Variants in WDR12 observed in about 807,000 individuals in gnomAD.
The protein encoded by WDR12 is ribosome biogenesis protein WDR12.
In WDR12, 42 loss-of-function variants were observed where a neutral mutation model predicts 64.3. The observed-to-expected ratio is 0.65, with a 90% confidence interval of 0.51 to 0.84. The LOEUF (loss-of-function observed/expected upper bound fraction) is 0.84, where lower values mean the gene tolerates loss of function less well. Ranked by LOEUF, WDR12 falls within the 40% of genes least tolerant of loss-of-function variation. The pLI is 0.00. For missense variants in WDR12, 469 were observed against 494.6 expected (o/e 0.95, Z 0.49); for synonymous variants, 158 against 173.3 (o/e 0.91, Z 0.70).
chr2:202,875,674 C>T lies in WDR12; in HGVS notation c.*5186G>A, dbSNP rs957608614. The T allele has an allele frequency of 6.6e-6, 1 of 152,216 alleles. No homozygotes were observed. The highest frequency in any genetic ancestry group is 2.4e-5 in the African/African-American group (1 of 41,454). The allele number at this position is 152,216 out of a possible 1,614,324, so 9.4% of individuals were successfully genotyped here. On this transcript the variant is annotated 3_prime_UTR_variant, in exon 13 of 13. Transcript: ENST00000261015. ...AAATGTTGGGATTACAGGCGTTAGC[C>T]ACGGCGCCCAGCCACATATAACCTT... is the stretch of plus-strand genomic sequence containing the variant.
chr2:202,883,635 G>A lies in WDR12; in HGVS notation c.1095C>T (p.Asn365=). 1 of 1,613,888 alleles carries A rather than the reference G, an allele frequency of 6.2e-7. No homozygotes were observed. The highest frequency in any genetic ancestry group is 1.1e-5 in the South Asian group (1 of 91,066). ...TTCTTGTATCCCACAGCTTAACAATGTTATCTAAAGATCCTGAAATCAGCT... is the reference window on the plus strand; with the variant it reads ...TTCTTGTATCCCACAGCTTAACAATATTATCTAAAGATCCTGAAATCAGCT... The part of the protein sequence containing the change: ...EQQLISGSLD[N]IVKLWDTRSC... Residue 365 remains asparagine, a synonymous_variant, in exon 11 of 13, where the codon AAC becomes AAT. Transcript: ENST00000261015.
intron 1 of WDR12, among the ~76,000 whole-genome samples, chr2:202,909,252 C>G (rs1688520644): frequency 6.6e-6 from 1 of 152,178 alleles, no homozygotes; most frequent in African/African-American, 2.4e-5. Flanking sequence ...CACATAACAA[C>G]TATTCATAAT....
rs1308486102 is a variant in WDR12, at chr2:202,876,406, A to C, written c.*4454T>G. ...TAACAAAATACTGTTATTGTGTTTG[A>C]TACTTAATCTATGATAGTCAAAAAT... On this transcript the variant is annotated 3_prime_UTR_variant, in exon 13 of 13. Coordinates refer to ENST00000261015, the MANE Select transcript of WDR12 (RefSeq NM_018256.4). 6.6e-6 allele frequency: 1 copy of C among 152,214 alleles called. No individual in the cohort carries two copies. The highest frequency in any genetic ancestry group is 1.9e-4 in the East Asian group (1 of 5,200). 9.4% of individuals were successfully genotyped at this position (152,214 alleles called of 1,614,324 possible). A position where few individuals can be genotyped will look rare whatever the true frequency, so the allele number is the denominator to read the frequency against.
intron 8 of WDR12, among the ~76,000 whole-genome samples, chr2:202,889,681 G>A (rs1224788431): frequency 4.0e-5 from 6 of 151,828 alleles, no homozygotes; most frequent in Admixed American, 3.9e-4. Context: ...TTGGAAGGCC[G>A]AGGTGGGAGG....
Position 202,883,355 on chromosome 2 carries a change from T to G in WDR12, c.1121+254A>C, listed in dbSNP as rs1687988717. On this transcript the variant is annotated intron_variant, in intron 11 of 12. Transcript: ENST00000261015. ...TTCACCATGTTGGCCAGGATGGTCCTGAACACCCAGCCTCAGGTGATCTGC... is the reference window on the plus strand; with the variant it reads ...TTCACCATGTTGGCCAGGATGGTCCGGAACACCCAGCCTCAGGTGATCTGC... The G allele has an allele frequency of 1.1e-5, 4 of 365,690 alleles. No individual in the cohort carries two copies. The South Asian group carries it at 1.3e-4, about 12-fold the overall frequency. 22.7% of individuals were successfully genotyped at this position (365,690 alleles called of 1,614,324 possible). A position where few individuals can be genotyped will look rare whatever the true frequency, so the allele number is the denominator to read the frequency against.
At chr2:202,881,068 G>A in intron 12 of WDR12, 131 bp from the exon 13 acceptor site, 2 of 694,354 alleles carry the variant, frequency 2.9e-6, no homozygotes, top group Admixed American at 6.5e-5. Flanking sequence ...AACTTGCATT[G>A]AGAGTGAGTA....
intron 1 of WDR12, among the ~76,000 whole-genome samples, chr2:202,909,685 T>C (rs1367141161): frequency 6.6e-6 from 1 of 152,158 alleles, no homozygotes; most frequent in Non-Finnish European, 1.5e-5. Flanking sequence ...AATTCACATA[T>C]ATGTATATTC....
intron 12 of WDR12, 140 bp downstream of exon 12, chr2:202,882,571 G>C (rs1170810569): frequency 1.4e-6 from 1 of 698,336 alleles, no homozygotes; most frequent in Admixed American, 2.6e-5. Flanking sequence ...CTCGTGATCT[G>C]CCCACCTTGG....
intron 12 of WDR12, among the ~76,000 whole-genome samples, chr2:202,881,958 C>A (rs1258459182): frequency 6.6e-6 from 1 of 152,078 alleles, no homozygotes; most frequent in Non-Finnish European, 1.5e-5. Context: ...TATTTTGAGA[C>A]AGGGTATCAC....
intron 8 of WDR12, 121 bp downstream of exon 8, chr2:202,892,496 T>A (rs1367517234): frequency 1.8e-6 from 1 of 544,908 alleles, no homozygotes; most frequent in Non-Finnish European, 3.2e-6. Context: ...AAAAGGATAA[T>A]CATGGTTAAA....
intron 12 of WDR12, among the ~76,000 whole-genome samples, chr2:202,882,097 AT>A (rs1687960557): frequency 6.6e-6 from 1 of 151,728 alleles, no homozygotes; most frequent in African/African-American, 2.4e-5. Flanking sequence ...TGGATAACTA[AT>A]TTTTTAATTT....
In WDR12 at chr2:202,911,467, G is replaced by T; in HGVS notation, c.10C>A (p.Leu4Ile). 6.2e-7 allele frequency: 1 copy of T among 1,614,130 alleles called. No individual in the cohort carries two copies. The highest frequency in any genetic ancestry group is 8.5e-7 in the Non-Finnish European group (1 of 1,180,020). The change falls in exon 1 of 13, where the codon CTC becomes ATC. Residue 4 changes from leucine to isoleucine, a missense_variant. Leu to Ile is a conservative substitution (Grantham distance 5). Coordinates refer to ENST00000261015, the MANE Select transcript of WDR12 (RefSeq NM_018256.4). ...TTATCAGTGTAGAAGCGTGTTTGGA[G>T]CTGAGCCATGGCGAGGAGTACACAC... MAQ[L>I]QTRFYTDNKK...
intron 2 of WDR12, among the ~76,000 whole-genome samples, chr2:202,903,460 G>GAAGC (rs1395629474): frequency 5.9e-5 from 3 of 50,694 alleles, no homozygotes; most frequent in Non-Finnish European, 9.8e-5. Flanking sequence ...AGGAAGGAAG[G>GAAGC]AAGGAAGGAA....
chr2:202,903,142 C>T (rs1317375077), intron 2 of WDR12, among the ~76,000 whole-genome samples: 3 of 151,984 alleles, frequency 2.0e-5, no homozygotes, highest in Admixed American at 1.3e-4. Flanking sequence ...TAGTCCTGTC[C>T]CTCTAAAGAA....
Position 202,880,298 on chromosome 2 carries a change from C to T in WDR12, c.*562G>A, listed in dbSNP as rs1358541338. ...ATCTTAATTCGGCCAGGCACAGTGG[C>T]TCACTTTGGGAGGCTGAGGTGGGCA... On this transcript the variant is annotated 3_prime_UTR_variant, in exon 13 of 13. Coordinates refer to ENST00000261015, the MANE Select transcript of WDR12 (RefSeq NM_018256.4). The T allele has an allele frequency of 6.6e-6, 1 of 151,968 alleles. No individual in the cohort carries two copies. Among genetic ancestry groups the T allele is most frequent in the Non-Finnish European group, 1.5e-5 (1 of 67,974 alleles). 9.4% of individuals were successfully genotyped at this position (151,968 alleles called of 1,614,324 possible).
At chr2:202,891,150 T>C (rs1688150258) in intron 8 of WDR12, among the ~76,000 whole-genome samples, 1 of 152,094 alleles carries the variant, frequency 6.6e-6, no homozygotes, top group Non-Finnish European at 1.5e-5. Context: ...AATATCCAAA[T>C]GGTAAGGCAT....
Position 202,892,712 on chromosome 2 carries a change from A to G in WDR12, c.656-10T>C. The G allele has an allele frequency of 2.5e-6, 4 of 1,595,440 alleles. No homozygotes were observed. The highest frequency in any genetic ancestry group is 3.4e-6 in the Non-Finnish European group (4 of 1,164,240). ...TCTTCATCTGTAGGGACTGTGTCAT[A>G]GAGAATTAGATTTGACATTTTAAAA... On this transcript the variant is annotated splice_polypyrimidine_tract_variant and intron_variant, in intron 7 of 12. Coordinates refer to ENST00000261015, the MANE Select transcript of WDR12 (RefSeq NM_018256.4).
At chr2:202,910,455 A>G (rs1688558894) in intron 1 of WDR12, among the ~76,000 whole-genome samples, 2 of 152,146 alleles carry the variant, frequency 1.3e-5, no homozygotes, top group Non-Finnish European at 2.9e-5. Context: ...CCCGGGAGAC[A>G]GAGGTTACAG....
rs1469728326 is a variant in WDR12 at position 202,877,001 on chromosome 2, T to C, written c.*3859A>G. 6.6e-6 allele frequency: 1 copy of C among 152,120 alleles called. No individual in the cohort carries two copies. Among genetic ancestry groups the C allele is most frequent in the Non-Finnish European group, 1.5e-5 (1 of 68,026 alleles). The allele number at this position is 152,120 out of a possible 1,614,324, so 9.4% of individuals were successfully genotyped here. ...ATATTTTCCTTATATTTGTTATATA[T>C]AGTAAACTGTTACCTTTTTTTCAAA... On this transcript the variant is annotated 3_prime_UTR_variant, in exon 13 of 13. Coordinates refer to ENST00000261015, the MANE Select transcript of WDR12 (RefSeq NM_018256.4).
Sources: gnomAD v4.1 joint callset for allele counts (sites outside exome capture counted in the v4.1 genomes callset) on GRCh38, gnomAD v4.1.1 for gene constraint, MANE v1.5 for transcripts, NCBI Gene and HGNC (gene_info 2026-07-23, HGNC 2026-07-21) for gene names.